Variants in STK33 observed in about 807,000 individuals in gnomAD.
STK33 encodes serine/threonine kinase 33.
In STK33, 52 loss-of-function variants were observed where a neutral mutation model predicts 58.0. The observed-to-expected ratio is 0.90, with a 90% CI of 0.72 to 1.13. STK33 has a LOEUF of 1.13. Ranked by LOEUF, STK33 falls within the 50% of genes most tolerant of loss-of-function variation. The probability of loss-of-function intolerance (pLI) is 0.00; values close to 1 mark genes in which losing one functional copy is unlikely to be tolerated. For synonymous variants in STK33, 215 were observed against 200.1 expected, an observed-to-expected ratio of 1.07 and a Z score of -0.63; for missense variants, 630 against 604.2, an observed-to-expected ratio of 1.04 and a Z score of -0.45.
chr11:8,505,856 A>G (rs999712838), intron 1 of STK33, among the ~76,000 whole-genome samples: 1 of 151,930 alleles, frequency 6.6e-6, no homozygotes, highest in East Asian at 1.9e-4. Flanking sequence ...TCAACTCCCA[A>G]CTCTGCCCTT....
rs971583486 is a variant in STK33 at position 8,588,855 on chromosome 11, T to C, written c.-466+5228A>G. ...CCCAAATTAAAAACAGACAAAATAT[T>C]TGAATAGGTATTTCTCCAAAGAAGA... On this transcript the variant is annotated intron_variant, in intron 1 of 15. Transcript: ENST00000687296. 2.0e-5 allele frequency among the ~76,000 whole-genome samples: 3 copies of C among 152,162 alleles called. No individual in the cohort carries two copies. In the South Asian group the frequency reaches 6.2e-4, roughly 32 times the overall value.
chr11:8,473,587 T>G (rs1948991427), intron 5 of STK33, among the ~76,000 whole-genome samples: 1 of 152,202 alleles, frequency 6.6e-6, no homozygotes, highest in Non-Finnish European at 1.5e-5. Flanking sequence ...CTTTATAGCT[T>G]TCTCAATCAC....
chr11:8,391,113 T>C (rs1042017976), downstream of STK33, among the ~76,000 whole-genome samples: 2 of 152,094 alleles, frequency 1.3e-5, no homozygotes, highest in African/African-American at 4.8e-5. Context: ...ACTTAGCTAA[T>C]GAAGCCAGAG....
At chr11:8,441,955 G>C (rs1944801747) in intron 11 of STK33, among the ~76,000 whole-genome samples, 1 of 151,850 alleles carries the variant, frequency 6.6e-6, no homozygotes, top group Non-Finnish European at 1.5e-5. Context: ...CACAGCTGCA[G>C]AGTGCCTCCT....
intron 7 of STK33, among the ~76,000 whole-genome samples, chr11:8,463,312 A>C (rs1947796784): frequency 6.6e-6 from 1 of 152,196 alleles, no homozygotes; most frequent in African/African-American, 2.4e-5. Flanking sequence ...GATTCTCATA[A>C]GGAGCATGCA....
At chr11:8,561,726 T>C (rs139768013) in intron 1 of STK33, among the ~76,000 whole-genome samples, 1 of 152,312 alleles carries the variant, frequency 6.6e-6, no homozygotes, top group East Asian at 1.9e-4. Flanking sequence ...TGAAAGCCTA[T>C]GGCATAAGCC....
intron 14 of STK33, among the ~76,000 whole-genome samples, chr11:8,422,292 T>C (rs1279519218): frequency 6.6e-6 from 1 of 152,158 alleles, no homozygotes; most frequent in Non-Finnish European, 1.5e-5. Flanking sequence ...TTCATCATTG[T>C]ATTGTTGGGG....
chr11:8,440,492 T>G (rs1392349048), intron 12 of STK33, among the ~76,000 whole-genome samples, 186 bp downstream of exon 12: 4 of 152,182 alleles, frequency 2.6e-5, no homozygotes. Context: ...AAATTTACAG[T>G]ATTAAAAAAT....
chr11:8,578,838 G>A (rs1958364180), intron 1 of STK33, among the ~76,000 whole-genome samples: 1 of 151,880 alleles, frequency 6.6e-6, no homozygotes, highest in Non-Finnish European at 1.5e-5. Context: ...GAAAATCTGG[G>A]TTTAAGTCCC....
the STK33 span, among the ~76,000 whole-genome samples, chr11:8,383,763 A>G: frequency 6.6e-6 from 1 of 152,162 alleles, no homozygotes; most frequent in African/African-American, 2.4e-5. Context: ...AAATACAGTC[A>G]CTGCCTAGTC....
chr11:8,562,165 T>C (rs1199060986), intron 1 of STK33, among the ~76,000 whole-genome samples: 1 of 152,252 alleles, frequency 6.6e-6, no homozygotes, highest in East Asian at 1.9e-4. Context: ...TACTTCATTC[T>C]GCATGCTTAG....
chr11:8,575,327 C>T (rs533707945), intron 1 of STK33, among the ~76,000 whole-genome samples: 1 of 152,286 alleles, frequency 6.6e-6, no homozygotes, highest in South Asian at 2.1e-4. Flanking sequence ...GCATTATTTA[C>T]AATAGCCAAT....
At chr11:8,440,289 T>C (rs1196436208) in intron 12 of STK33, among the ~76,000 whole-genome samples, 1 of 152,094 alleles carries the variant, frequency 6.6e-6, no homozygotes, top group African/African-American at 2.4e-5. Flanking sequence ...ACCTATGCTC[T>C]GCCTGTATGG....
intron 14 of STK33, among the ~76,000 whole-genome samples, chr11:8,419,446 T>C (rs1190597005): frequency 6.6e-6 from 1 of 152,218 alleles, no homozygotes; most frequent in Non-Finnish European, 1.5e-5. Flanking sequence ...TCTATGTGTC[T>C]GTTCTTGTAC....
chr11:8,464,672 A>G, intron 7 of STK33, 37 bp downstream of exon 7: 2 of 1,482,332 alleles, frequency 1.3e-6, no homozygotes, highest in Non-Finnish European at 1.9e-6. Flanking sequence ...CTGCACTAAC[A>G]CTGTGCCCTC....
the STK33 span, among the ~76,000 whole-genome samples, chr11:8,335,360 C>T: frequency 7.2e-5 from 11 of 152,180 alleles, no homozygotes; most frequent in African/African-American, 2.2e-4. Context: ...TCACCACTGA[C>T]GCTCCCAGCC....
At chr11:8,499,027 G>T (rs1951294924) in intron 1 of STK33, among the ~76,000 whole-genome samples, 1 of 152,154 alleles carries the variant, frequency 6.6e-6, no homozygotes, top group Admixed American at 6.5e-5. Flanking sequence ...CACGGGCAAA[G>T]AATTCATGAC....
chr11:8,468,700 C>A (rs981772169), intron 6 of STK33, among the ~76,000 whole-genome samples: 26 of 152,176 alleles, frequency 1.7e-4, no homozygotes, highest in Admixed American at 6.5e-4. Context: ...CTTGATACCA[C>A]TTAATAGCAC....
At chr11:8,547,203 T>G (rs61875890) in intron 1 of STK33, among the ~76,000 whole-genome samples, 10,287 of 152,200 alleles carry the variant, frequency 0.068, 528 homozygotes, top group Non-Finnish European at 0.11. Context: ...TTTGTATGTC[T>G]TCTTTTTTGT....
Sources: gnomAD v4.1 joint callset for allele counts (sites outside exome capture counted in the v4.1 genomes callset) on GRCh38, gnomAD v4.1.1 for gene constraint, MANE v1.5 for transcripts, NCBI Gene and HGNC (gene_info 2026-07-23, HGNC 2026-07-21) for gene names.